The following PDZD9 variants were observed in gnomAD, a reference collection of about 807,000 sequenced individuals.
PDZD9 encodes the protein PDZ domain containing 9.
In PDZD9, 13 loss-of-function variants were observed where a neutral mutation model predicts 16.3. The ratio of observed to expected loss-of-function variants is 0.80; its 90% confidence interval spans 0.52 to 1.27. The LOEUF (loss-of-function observed/expected upper bound fraction) is 1.27, where lower values mean the gene tolerates loss of function less well. PDZD9 is among the 50% of genes most tolerant of loss of function. The pLI, the probability that PDZD9 is intolerant of heterozygous loss-of-function variation, is 0.00. For missense variants in PDZD9, 288 were observed against 310.9 expected (o/e 0.93, Z 0.55); for synonymous variants, 120 against 111.0 (o/e 1.08, Z -0.51).
At chr16:22,000,879 G>A (rs200446246) in intron 1 of PDZD9, 138 bp downstream of exon 1, 55 of 670,912 alleles carry the variant, frequency 8.2e-5, no homozygotes, top group Admixed American at 2.7e-4. Flanking sequence ...TGATGATAAT[G>A]ATGATGATGA....
the PDZD9 span, chr16:21,971,785 G>A: frequency 8.9e-6 from 12 of 1,350,106 alleles, no homozygotes; most frequent in South Asian, 1.4e-4. Context: ...GTGTGTTTGG[G>A]GACAGGATGG....
At chr16:21,982,994 T>A, downstream of PDZD9, 66 of 870,246 alleles carry the variant, frequency 7.6e-5, no homozygotes, top group Non-Finnish European at 1.1e-4. Flanking sequence ...GAATGTCCTA[T>A]CCATAAATTC....
the PDZD9 span, among the ~76,000 whole-genome samples, chr16:21,970,109 T>A: frequency 5.3e-5 from 8 of 152,170 alleles, no homozygotes; most frequent in Non-Finnish European, 1.0e-4. Flanking sequence ...AGCATAATGT[T>A]TTCAAGGTCC....
At chr16:21,968,786 C>T in the PDZD9 span, 14 of 1,057,392 alleles carry the variant, frequency 1.3e-5, no homozygotes, top group African/African-American at 3.3e-5. Flanking sequence ...TTGAAAACTT[C>T]GGCCTTCTAT....
the PDZD9 span, among the ~76,000 whole-genome samples, chr16:21,978,187 A>G: frequency 2.0e-5 from 3 of 152,178 alleles, no homozygotes; most frequent in Non-Finnish European, 4.4e-5. Flanking sequence ...CCTGTAGTGA[A>G]AGAGAGAAAG....
At chr16:21,988,003 CTTTT>C (rs773101505) in intron 3 of PDZD9, among the ~76,000 whole-genome samples, 1 of 100,724 alleles carries the variant, frequency 9.9e-6, no homozygotes, top group Non-Finnish European at 1.9e-5. Context: ...GCAAGAAGCA[CTTTT>C]TTTTTTTTTT....
intron 2 of PDZD9, among the ~76,000 whole-genome samples, chr16:21,992,070 G>C (rs538440912): frequency 3.9e-5 from 6 of 152,092 alleles, no homozygotes; most frequent in African/African-American, 1.4e-4. Flanking sequence ...CTTTAAATTA[G>C]ATAACACGTG....
chr16:21,980,693 T>C (rs759393622), downstream of PDZD9: 15 of 1,612,020 alleles, frequency 9.3e-6, no homozygotes, highest in Admixed American at 5.0e-5. Context: ...AATGCTGATA[T>C]CATAAATGTA....
downstream of PDZD9, among the ~76,000 whole-genome samples, chr16:21,981,844 C>CTTTTT (rs1245008218): frequency 7.0e-6 from 1 of 142,180 alleles, no homozygotes; most frequent in East Asian, 2.1e-4. Context: ...TCATACTCTT[C>CTTTTT]TTTTTTTTTT....
the PDZD9 span, among the ~76,000 whole-genome samples, chr16:21,970,241 C>T: frequency 6.6e-6 from 1 of 152,106 alleles, no homozygotes; most frequent in Non-Finnish European, 1.5e-5. Flanking sequence ...TTTTGGCTGT[C>T]GTAAATATAA....
At chr16:21,996,604 C>A in intron 1 of PDZD9, 103 bp from the exon 2 acceptor site, 1 of 1,094,534 alleles carries the variant, frequency 9.1e-7, no homozygotes, top group Non-Finnish European at 1.3e-6. Context: ...TTATTTAATC[C>A]CTGTTCCTCA....
chr16:21,965,621 G>A, the PDZD9 span: 80 of 853,652 alleles, frequency 9.4e-5, no homozygotes, highest in Middle Eastern at 1.1e-3. Flanking sequence ...GAAATTCAGC[G>A]TGCTAGCTTT....
chr16:21,965,360 C>T, the PDZD9 span: 5 of 1,571,856 alleles, frequency 3.2e-6, no homozygotes, highest in South Asian at 5.6e-5. Context: ...AAAATGTTGT[C>T]TTTACTGAAA....
chr16:22,000,040 CAA>C (rs781141020), intron 1 of PDZD9, among the ~76,000 whole-genome samples: 19 of 131,856 alleles, frequency 1.4e-4, no homozygotes, highest in Middle Eastern at 3.9e-3. Flanking sequence ...GACTCTGTCT[CAA>C]AAAAAAAAAA....
intron 3 of PDZD9, among the ~76,000 whole-genome samples, chr16:21,986,692 G>T (rs1250205350): frequency 6.6e-6 from 1 of 152,172 alleles, no homozygotes; most frequent in Non-Finnish European, 1.5e-5. Context: ...TGCCTTGATG[G>T]AGTTCACATT....
chr16:21,982,868 G>A (rs1898765910), downstream of PDZD9, among the ~76,000 whole-genome samples: 1 of 151,626 alleles, frequency 6.6e-6, no homozygotes, highest in Non-Finnish European at 1.5e-5. Flanking sequence ...GGGAGGGTGA[G>A]GCAGAGAATT....
chr16:21,972,100 A>G, the PDZD9 span: 1 of 1,613,822 alleles, frequency 6.2e-7, no homozygotes, highest in South Asian at 1.1e-5. Context: ...GCTGTTGCCA[A>G]GGCAACTCAG....
At chr16:21,972,262 T>G in the PDZD9 span, 1 of 1,136,544 alleles carries the variant, frequency 8.8e-7, no homozygotes, top group Non-Finnish European at 1.2e-6. Context: ...CAGGCTTGAT[T>G]TTAGTATCTT....
chr16:21,987,111 C>G (rs1898893974), intron 3 of PDZD9, among the ~76,000 whole-genome samples: 2 of 152,118 alleles, frequency 1.3e-5, no homozygotes, highest in Non-Finnish European at 2.9e-5. Context: ...ATGCCAGGAT[C>G]AGATTTGCAT....
Sources: allele counts gnomAD v4.1 joint callset (sites outside exome capture counted in the v4.1 genomes callset), GRCh38; gene constraint gnomAD v4.1.1; transcripts MANE v1.5; gene names NCBI Gene and HGNC (gene_info 2026-07-23, HGNC 2026-07-21).